The following CNTNAP4 variants were observed in gnomAD, a reference collection of about 807,000 sequenced individuals.
CNTNAP4 encodes contactin-associated protein-like 4.
In CNTNAP4, 98 loss-of-function variants were observed where a neutral mutation model predicts 148.4. The observed-to-expected ratio is 0.66, with a 90% CI of 0.56 to 0.78. CNTNAP4 has a LOEUF of 0.78. Among genes scored for constraint, CNTNAP4 ranks in the 30% least tolerant of loss-of-function variants. The pLI, the probability that CNTNAP4 is intolerant of heterozygous loss-of-function variation, is 0.00. For synonymous variants in CNTNAP4, 730 were observed against 565.1 expected (o/e 1.29, Z -4.14); for missense variants, 1,935 against 1,565.6 (o/e 1.24, Z -3.98).
intron 3 of CNTNAP4, among the ~76,000 whole-genome samples, chr16:76,403,970 T>A (rs1328202284): frequency 2.0e-5 from 3 of 152,136 alleles, no homozygotes; most frequent in Non-Finnish European, 4.4e-5. Context: ...TACCATATGT[T>A]CTTATAAGTG....
chr16:76,513,367 A>G (rs7190810), intron 15 of CNTNAP4, among the ~76,000 whole-genome samples: 127,182 of 151,992 alleles, frequency 0.84, 54,180 homozygotes, highest in East Asian at 0.97. Flanking sequence ...GAAGGCATGA[A>G]GGAAATATAG....
chr16:76,448,098 T>C lies in CNTNAP4; in HGVS notation c.625T>C (p.Ser209Pro). Residue 209 changes from serine (S) to proline (P), a missense_variant, in exon 5 of 24, where the codon TCT becomes CCT. Ser to Pro is a moderately conservative substitution (Grantham distance 74). Transcript: ENST00000611870. Reference protein sequence around the residue: ...KSLSPIKDIISLKFKTMQSDG... With the variant: ...KSLSPIKDIIPLKFKTMQSDG... ...CCTGAGCCCAATAAAAGACATTATT[T>C]CTTTGAAATTCAAAACCATGCAGAG... 1 of 1,613,736 alleles carries C rather than the reference T, an allele frequency of 6.2e-7. No homozygotes were observed. The highest frequency in any genetic ancestry group is 8.5e-7 in the Non-Finnish European group (1 of 1,179,706).
intron 18 of CNTNAP4, among the ~76,000 whole-genome samples, chr16:76,537,901 A>G (rs2084279640): frequency 6.6e-6 from 1 of 152,130 alleles, no homozygotes; most frequent in African/African-American, 2.4e-5. Context: ...CTGTAAAATT[A>G]TACTAGTGCA....
chr16:76,481,499 G>A lies in CNTNAP4; in HGVS notation c.1882+1961G>A, dbSNP rs137869034. 2.0e-4 allele frequency among the ~76,000 whole-genome samples: 30 copies of A among 152,258 alleles called. No homozygotes were observed. In the East Asian group the frequency reaches 5.8e-3, roughly 29 times the overall value. On this transcript the variant is annotated intron_variant, in intron 12 of 23. Transcript: ENST00000611870. ...GTTCGAGACCAGGCTGGGCAACATAGTGAGACCCCATCTCTATTTTTCTTT... is the reference window on the plus strand; with the variant it reads ...GTTCGAGACCAGGCTGGGCAACATAATGAGACCCCATCTCTATTTTTCTTT...
intron 11 of CNTNAP4, among the ~76,000 whole-genome samples, chr16:76,478,102 A>C (rs977514909): frequency 6.6e-6 from 1 of 151,738 alleles, no homozygotes; most frequent in Admixed American, 6.6e-5. Flanking sequence ...ATCATTAAAC[A>C]GTCATGTTTT....
At chr16:76,555,428 A>G (rs2085155703) in intron 23 of CNTNAP4, among the ~76,000 whole-genome samples, 1 of 152,250 alleles carries the variant, frequency 6.6e-6, no homozygotes, top group South Asian at 2.1e-4. Context: ...AACACGTTAT[A>G]CAGTAAAAAC....
At chr16:76,483,407 C>T (rs983906452) in intron 12 of CNTNAP4, among the ~76,000 whole-genome samples, 17 of 152,142 alleles carry the variant, frequency 1.1e-4, no homozygotes, top group Non-Finnish European at 7.4e-5. Flanking sequence ...CTGGTCACAA[C>T]GGTCTCATTC....
intron 17 of CNTNAP4, among the ~76,000 whole-genome samples, chr16:76,530,405 C>G (rs1419325920): frequency 6.6e-6 from 1 of 152,114 alleles, no homozygotes. Flanking sequence ...CCCGAGTGTA[C>G]TTTTCTATAT....
chr16:76,415,420 A>G (rs1014367895), intron 3 of CNTNAP4, among the ~76,000 whole-genome samples: 1 of 151,190 alleles, frequency 6.6e-6, no homozygotes, highest in East Asian at 1.9e-4. Context: ...AAATAATCAT[A>G]GGCTATTTGA....
chr16:76,520,763 G>A (rs2083422249), intron 15 of CNTNAP4, among the ~76,000 whole-genome samples: 1 of 152,146 alleles, frequency 6.6e-6, no homozygotes, highest in South Asian at 2.1e-4. Flanking sequence ...AAGCAGGTAA[G>A]TGTTTTAATT....
chr16:76,296,544 G>A (rs1959320363), intron 1 of CNTNAP4, among the ~76,000 whole-genome samples: 1 of 152,102 alleles, frequency 6.6e-6, no homozygotes, highest in South Asian at 2.1e-4. Flanking sequence ...ATTTAATTAA[G>A]CAAACATTTA....
chr16:76,553,816 T>G lies in CNTNAP4; in HGVS notation c.3662-20T>G. ...TACTTGCCTATATCACCTTCCCCCT[T>G]TGTTGTGCTTTAACTGCAGATCATT... is the stretch of plus-strand genomic sequence containing the variant. On this transcript the variant is annotated intron_variant, in intron 22 of 23. Transcript: ENST00000611870. The G allele has an allele frequency of 1.3e-6, 2 of 1,564,886 alleles. No homozygotes were observed. Among genetic ancestry groups the G allele is most frequent in the Non-Finnish European group, 1.8e-6 (2 of 1,138,038 alleles).
chr16:76,488,834 A>G (rs984566990), intron 12 of CNTNAP4, among the ~76,000 whole-genome samples: 1 of 152,222 alleles, frequency 6.6e-6, no homozygotes, highest in African/African-American at 2.4e-5. Flanking sequence ...TGTTACAAAC[A>G]TTGTGAGATT....
At chr16:76,378,823 C>A (rs2015690613) in intron 3 of CNTNAP4, among the ~76,000 whole-genome samples, 1 of 152,166 alleles carries the variant, frequency 6.6e-6, no homozygotes, top group Non-Finnish European at 1.5e-5. Flanking sequence ...GCTGTTCTCA[C>A]CTAGGGTCGG....
At chr16:76,427,872 A>T (rs2079467946) in intron 4 of CNTNAP4, among the ~76,000 whole-genome samples, 1 of 152,324 alleles carries the variant, frequency 6.6e-6, no homozygotes, top group South Asian at 2.1e-4. Flanking sequence ...ATAGAATATT[A>T]TTGACTATGT....
intron 2 of CNTNAP4, among the ~76,000 whole-genome samples, chr16:76,345,977 A>G (rs1014428282): frequency 3.3e-5 from 5 of 152,196 alleles, no homozygotes; most frequent in African/African-American, 1.2e-4. Flanking sequence ...TCTACAAGCC[A>G]GGGAACAAGC....
chr16:76,522,686 CCTTTCTTTTCTTTTCTTTTCTTTTCTTTT>C (rs202246708), intron 17 of CNTNAP4, among the ~76,000 whole-genome samples: 1,799 of 79,600 alleles, frequency 0.023, 226 homozygotes, highest in East Asian at 0.086. Context: ...CTCTTTCTCT[CCTTTCTTTTCTTTTCTTTTCTTTTCTTTT>C]CTTTTCTTTT....
chr16:76,377,386 T>A (rs2015528552), intron 3 of CNTNAP4, among the ~76,000 whole-genome samples: 1 of 152,162 alleles, frequency 6.6e-6, no homozygotes, highest in Admixed American at 6.5e-5. Context: ...ATGGAGTTAC[T>A]GAGGCTGAAA....
intron 3 of CNTNAP4, among the ~76,000 whole-genome samples, chr16:76,366,681 A>G (rs2014174998): frequency 1.3e-5 from 2 of 152,124 alleles, no homozygotes; most frequent in Admixed American, 1.3e-4. Context: ...AATGGTTCTT[A>G]GCTCTTTGAG....
Sources: allele counts gnomAD v4.1 joint callset (sites outside exome capture counted in the v4.1 genomes callset), GRCh38; gene constraint gnomAD v4.1.1; transcripts MANE v1.5; gene names NCBI Gene and HGNC (gene_info 2026-07-23, HGNC 2026-07-21).